The following TMC2 variants were observed in gnomAD, a reference collection of about 807,000 sequenced individuals.
The protein encoded by TMC2 is transmembrane channel-like protein 2.
A neutral mutation model predicts 105.9 loss-of-function variants in TMC2; 102 were observed. The ratio of observed to expected loss-of-function variants is 0.96; its 90% CI spans 0.82 to 1.14. The LOEUF is 1.14. TMC2 is among the 50% of genes most tolerant of loss of function. The pLI, the probability that TMC2 is intolerant of heterozygous loss-of-function variation, is 0.00. For missense variants in TMC2, 1,093 were observed against 1,134.3 expected, an observed-to-expected ratio of 0.96 and a Z score of 0.52; for synonymous variants, 402 against 422.8, an observed-to-expected ratio of 0.95 and a Z score of 0.60.
At chr20:2,590,039 C>T (rs1378685020) in intron 7 of TMC2, among the ~76,000 whole-genome samples, 1 of 152,072 alleles carries the variant, frequency 6.6e-6, no homozygotes, top group Non-Finnish European at 1.5e-5. Flanking sequence ...TGTGTAAATA[C>T]ATTATAGTAT....
At chr20:2,602,322 GA>G (rs1368217932) in intron 11 of TMC2, 21 bp downstream of exon 11, 6 of 1,544,530 alleles carry the variant, frequency 3.9e-6, no homozygotes, top group Middle Eastern at 3.4e-4. Flanking sequence ...CATCGCTGAT[GA>G]ACTGAAGGTT....
chr20:2,641,142 C>A lies in TMC2; in HGVS notation c.2512C>A (p.Pro838Thr), dbSNP rs1600147270. ...CTTGGTTCGTTTTCCAGAGACCACT[C>A]CTCCCTCTGCCAGCCAAAGCCAGGC... is the stretch of plus-strand genomic sequence containing the variant. ...QLQLTKEETTPPSASQSQAMD... is the reference protein window; with the variant it reads ...QLQLTKEETTTPSASQSQAMD... Residue 838 changes from proline to threonine, a missense_variant, in exon 20 of 20, where the codon CCT (proline) becomes ACT (threonine). Coordinates refer to ENST00000358864, the MANE Select transcript of TMC2 (RefSeq NM_080751.3). 1.2e-6 allele frequency: 2 copies of A among 1,614,128 alleles called. No individual in the cohort carries two copies. Among genetic ancestry groups the A allele is most frequent in the East Asian group, 4.5e-5 (2 of 44,882 alleles).
chr20:2,548,907 A>C (rs1195019327), intron 2 of TMC2, among the ~76,000 whole-genome samples: 1 of 152,234 alleles, frequency 6.6e-6, no homozygotes, highest in Non-Finnish European at 1.5e-5. Context: ...TAAGTCTAGA[A>C]ACAACATACT....
intron 16 of TMC2, among the ~76,000 whole-genome samples, chr20:2,620,095 AAAGAG>A (rs1190226466): frequency 2.6e-5 from 4 of 152,158 alleles, no homozygotes; most frequent in South Asian, 2.1e-4. Flanking sequence ...GAAAAAAAGA[AAAGAG>A]AAGAGAAGAA....
In TMC2 at chr20:2,602,194, CTCA is replaced by C. The variant is rs2086356519; in HGVS notation, c.1312_1314del (p.Ile438del). ...ATTTCTTCGTGTCCTGGCCAACTTT[CTCA>C]TCATCTGCTGTTTGTGTGGAAGTGG... is the stretch of plus-strand genomic sequence containing the variant. On this transcript the variant is annotated inframe_deletion, in exon 11 of 20. Coordinates refer to ENST00000358864, the MANE Select transcript of TMC2 (RefSeq NM_080751.3). 1 of 1,613,594 alleles carries C rather than the reference CTCA, an allele frequency of 6.2e-7. No individual in the cohort carries two copies. The highest frequency in any genetic ancestry group is 1.3e-5 in the African/African-American group (1 of 74,904).
chr20:2,595,075 G>T (rs2086295970), intron 9 of TMC2, 108 bp downstream of exon 9: 4 of 1,267,668 alleles, frequency 3.2e-6, no homozygotes, highest in Admixed American at 2.1e-5. Context: ...AGAGAAAACA[G>T]GAAATGAGCA....
chr20:2,552,926 G>A (rs1600097605), intron 2 of TMC2, among the ~76,000 whole-genome samples: 1 of 152,106 alleles, frequency 6.6e-6, no homozygotes, highest in South Asian at 2.1e-4. Context: ...TACTAACCTT[G>A]CATCCTGCAT....
At chr20:2,600,737 T>C (rs1215736972) in intron 10 of TMC2, among the ~76,000 whole-genome samples, 27 of 151,678 alleles carry the variant, frequency 1.8e-4, no homozygotes, top group Admixed American at 1.8e-3. Context: ...GGCAGGAGAA[T>C]GGCGTGAACC....
At chr20:2,539,408 C>T (rs1383902650) in intron 2 of TMC2, among the ~76,000 whole-genome samples, 1 of 152,106 alleles carries the variant, frequency 6.6e-6, no homozygotes, top group Non-Finnish European at 1.5e-5. Flanking sequence ...AATTGTAACA[C>T]CAAATTATAT....
chr20:2,579,051 G>T lies in TMC2; in HGVS notation c.646-95G>T. 7 of 710,910 alleles carry T rather than the reference G, an allele frequency of 9.8e-6. No individual in the cohort carries two copies. The South Asian group carries it at 1.0e-4, about 11-fold the overall frequency. 44.0% of individuals were successfully genotyped at this position (710,910 alleles called of 1,614,324 possible). A position where few individuals can be genotyped will look rare whatever the true frequency, so the allele number is the denominator to read the frequency against. On this transcript the variant is annotated intron_variant, in intron 5 of 19. Transcript: ENST00000358864. ...AGCAGCTTCACCCATGCTGACTCAT[G>T]CTGACCTGTCGGCCTCCTCGTGCCC...
At chr20:2,637,663 G>C in intron 19 of TMC2, 72 bp downstream of exon 19, 3 of 1,000,850 alleles carry the variant, frequency 3.0e-6, no homozygotes, top group Non-Finnish European at 4.7e-6. Context: ...ATGAAACAGC[G>C]TGAAATCAGA....
intron 2 of TMC2, among the ~76,000 whole-genome samples, chr20:2,545,387 C>T (rs966194138): frequency 2.9e-4 from 44 of 152,094 alleles, no homozygotes; most frequent in African/African-American, 1.0e-3. Flanking sequence ...ACCTCGTTTT[C>T]CTAGAGAACA....
At chr20:2,633,571 C>G (rs2086619673) in intron 17 of TMC2, among the ~76,000 whole-genome samples, 1 of 152,172 alleles carries the variant, frequency 6.6e-6, no homozygotes. Context: ...ACTGATTGGG[C>G]TTTGAGCCAG....
intron 16 of TMC2, among the ~76,000 whole-genome samples, chr20:2,618,712 C>T (rs2086503011): frequency 6.6e-6 from 1 of 152,142 alleles, no homozygotes; most frequent in Non-Finnish European, 1.5e-5. Flanking sequence ...AATGCCTGAC[C>T]TTCTGAAAAC....
intron 5 of TMC2, 34 bp downstream of exon 5, chr20:2,572,303 G>T: frequency 6.5e-7 from 1 of 1,546,176 alleles, no homozygotes; most frequent in Non-Finnish European, 8.9e-7. Flanking sequence ...TCTGTTGGGA[G>T]GGCTTGCTCA....
At chr20:2,562,153 G>C (rs2086031499) in intron 4 of TMC2, 143 bp downstream of exon 4, 2 of 1,062,402 alleles carry the variant, frequency 1.9e-6, no homozygotes. Context: ...GGAGCCCCAT[G>C]AGAGCCAAGG....
chr20:2,629,529 T>TAAAAAAAA (rs56821075), intron 17 of TMC2, among the ~76,000 whole-genome samples: 4,446 of 115,820 alleles, frequency 0.038, 172 homozygotes, highest in African/African-American at 0.066. Context: ...CTTACAGAAG[T>TAAAAAAAA]AAAAAAAAAA....
chr20:2,612,312 G>A lies in TMC2; in HGVS notation c.1715G>A (p.Gly572Asp). 6.3e-7 allele frequency: 1 copy of A among 1,586,862 alleles called. No individual in the cohort carries two copies. The highest frequency in any genetic ancestry group is 1.2e-5 in the South Asian group (1 of 86,362). ...PPLHPADVPRGSCWETAVGIE... is the reference protein window; with the variant it reads ...PPLHPADVPRDSCWETAVGIE... The stretch of plus-strand genomic sequence containing the variant: ...CTGCACCCTGCAGATGTGCCCCGGG[G>A]TTCTTGCTGGGAGACAGCTGTGGGC... Residue 572 changes from glycine (G) to aspartate (D), a missense_variant, in exon 13 of 20, where the codon GGT (glycine) becomes GAT (aspartate). By Grantham distance (94) the Gly-to-Asp change is moderately conservative (BLOSUM62 -1). Transcript: ENST00000358864.
intron 6 of TMC2, 94 bp downstream of exon 6, chr20:2,579,321 T>G (rs1276681845): frequency 4.3e-6 from 3 of 690,364 alleles, no homozygotes; most frequent in Admixed American, 5.1e-5. Context: ...ATAGATTATT[T>G]CATTGGTTCT....
Sources: allele counts gnomAD v4.1 joint callset (sites outside exome capture counted in the v4.1 genomes callset), GRCh38; gene constraint gnomAD v4.1.1; transcripts MANE v1.5; gene names NCBI Gene and HGNC (gene_info 2026-07-23, HGNC 2026-07-21).